The following ADAM12 variants were observed in gnomAD, a reference collection of about 807,000 sequenced individuals.
The protein encoded by ADAM12 is disintegrin and metalloproteinase domain-containing protein 12.
Under a neutral mutation model 106.4 loss-of-function variants are expected in ADAM12, and 70 were observed. That is an observed-to-expected ratio of 0.66 (90% CI 0.54 to 0.80). The LOEUF (loss-of-function observed/expected upper bound fraction) is 0.80, where lower values mean the gene tolerates loss of function less well. Among genes scored for constraint, ADAM12 ranks in the 30% least tolerant of loss-of-function variants. ADAM12 has a pLI of 0.00. For missense variants in ADAM12, 1,010 were observed against 1,171.9 expected (o/e 0.86, Z 2.02); for synonymous variants, 420 against 433.5 (o/e 0.97, Z 0.39).
rs61278142 is a variant in ADAM12 at position 126,051,536 on chromosome 10, C to CCCATCCATCCAT, written c.1610-1879_1610-1868dup. Reference sequence around the variant, plus strand: ...ATCCATCCATCCAGCCAGCCAGCCACCCATCCATCCATCCATCCATCCATC... The same window carrying CCCATCCATCCAT: ...ATCCATCCATCCAGCCAGCCAGCCACCCATCCATCCATCCATCCATCCATCCATCCATCCATC... On this transcript the variant is annotated intron_variant, in intron 14 of 22. Coordinates refer to ENST00000448723, the MANE Select transcript of ADAM12 (RefSeq NM_001288973.2). Among the ~76,000 whole-genome samples the CCCATCCATCCAT allele has an allele frequency of 3.2e-3, 386 of 118,976 alleles. 2 individuals are homozygous for CCCATCCATCCAT. The highest frequency in any genetic ancestry group is 4.1e-3 in the Non-Finnish European group (232 of 56,392). 78.1% of individuals were successfully genotyped at this position (118,976 alleles called of 152,430 possible).
intron 21 of ADAM12, among the ~76,000 whole-genome samples, chr10:126,030,683 C>T (rs367865878): frequency 5.9e-5 from 9 of 152,234 alleles, no homozygotes; most frequent in African/African-American, 1.9e-4. Flanking sequence ...ATCATGCTTC[C>T]GTGGATAACT....
chr10:126,374,505 C>T (rs903424002), intron 1 of ADAM12, among the ~76,000 whole-genome samples: 2 of 152,006 alleles, frequency 1.3e-5, no homozygotes, highest in African/African-American at 4.8e-5. Context: ...TTAAGAAGAT[C>T]AGGCAAGTTT....
At chr10:126,244,314 C>T (rs1044022397) in intron 3 of ADAM12, among the ~76,000 whole-genome samples, 4 of 152,132 alleles carry the variant, frequency 2.6e-5, no homozygotes, top group South Asian at 4.2e-4. Context: ...TGCTTGGGTC[C>T]GTGACCACAC....
At chr10:126,193,668 G>A (rs1312429681) in intron 3 of ADAM12, among the ~76,000 whole-genome samples, 2 of 152,170 alleles carry the variant, frequency 1.3e-5, no homozygotes, top group African/African-American at 2.4e-5. Context: ...AAGCTGAAGC[G>A]AGTGGATCAC....
At chr10:126,088,724 C>CAAAAAAAAA (rs55755010) in intron 11 of ADAM12, among the ~76,000 whole-genome samples, 2 of 148,750 alleles carry the variant, frequency 1.3e-5, no homozygotes, top group African/African-American at 5.0e-5. Context: ...AAAACAAAAA[C>CAAAAAAAAA]AAAAAGAGAG....
intron 8 of ADAM12, among the ~76,000 whole-genome samples, chr10:126,105,379 G>A (rs1384082914): frequency 1.3e-5 from 2 of 152,102 alleles, no homozygotes; most frequent in Admixed American, 6.5e-5. Context: ...TTTTGCTCCC[G>A]AGGTCTAAGA....
chr10:126,180,905 T>C (rs1957300825), intron 3 of ADAM12, among the ~76,000 whole-genome samples: 1 of 152,184 alleles, frequency 6.6e-6, no homozygotes, highest in South Asian at 2.1e-4. Context: ...ACACACATTC[T>C]AGAGGAGGAA....
chr10:126,021,894 A>G (rs915001600), intron 21 of ADAM12, among the ~76,000 whole-genome samples: 1 of 152,234 alleles, frequency 6.6e-6, no homozygotes, highest in Non-Finnish European at 1.5e-5. Context: ...CAAACTTTGG[A>G]TAATTAACTA....
At chr10:126,097,446 G>A (rs960649529) in intron 10 of ADAM12, among the ~76,000 whole-genome samples, 3 of 152,198 alleles carry the variant, frequency 2.0e-5, no homozygotes, top group Non-Finnish European at 4.4e-5. Context: ...GGGAAATGTT[G>A]GTTCCGTATA....
chr10:126,086,704 T>TAA lies in ADAM12; in HGVS notation c.1145+7280_1145+7281insTT, dbSNP rs1554966991. ...AAATATATATATATATATATATATATATAAAATAAAATAGGTATAGTCATG... is the reference window on the plus strand; with the variant it reads ...AAATATATATATATATATATATATATAAATAAAATAAAATAGGTATAGTCATG... On this transcript the variant is annotated intron_variant, in intron 11 of 22. Coordinates refer to ENST00000448723, the MANE Select transcript of ADAM12 (RefSeq NM_001288973.2). Among the ~76,000 whole-genome samples, 67 of 64,186 alleles carry TAA rather than the reference T, an allele frequency of 1.0e-3. 2 individuals carry two copies. Among genetic ancestry groups the TAA allele is most frequent in the Non-Finnish European group, 1.8e-3 (60 of 33,964 alleles). The allele number at this position is 64,186 out of a possible 152,430, so 42.1% of individuals were successfully genotyped here.
At chr10:126,234,151 G>C in intron 3 of ADAM12, among the ~76,000 whole-genome samples, 1 of 152,272 alleles carries the variant, frequency 6.6e-6, no homozygotes, top group East Asian at 1.9e-4. Context: ...CACCAGGGAG[G>C]AGTTCGAGCA....
intron 3 of ADAM12, among the ~76,000 whole-genome samples, chr10:126,225,874 G>T (rs781248139): frequency 1.3e-5 from 2 of 152,166 alleles, no homozygotes; most frequent in Non-Finnish European, 2.9e-5. Flanking sequence ...CAGGATGTAA[G>T]AGCCCAGAGC....
At chr10:126,360,708 C>T (rs1384754436) in intron 1 of ADAM12, among the ~76,000 whole-genome samples, 1 of 152,224 alleles carries the variant, frequency 6.6e-6, no homozygotes, top group Admixed American at 6.5e-5. Flanking sequence ...TTCCTGTCTT[C>T]TTCTGAGCCC....
At chr10:126,312,308 G>A (rs568171662) in intron 2 of ADAM12, among the ~76,000 whole-genome samples, 4 of 152,276 alleles carry the variant, frequency 2.6e-5, no homozygotes, top group African/African-American at 9.6e-5. Context: ...ACCCGACAGC[G>A]GGGCCTTCCA....
intron 11 of ADAM12, chr10:126,090,877 C>T (rs1955451461): frequency 6.6e-6 from 1 of 152,196 alleles, no homozygotes; most frequent in Admixed American, 6.5e-5. Context: ...CTCCTTTAAG[C>T]CATCTACAAT....
intron 11 of ADAM12, among the ~76,000 whole-genome samples, chr10:126,084,245 A>G (rs1294439455): frequency 6.6e-6 from 1 of 152,184 alleles, no homozygotes; most frequent in African/African-American, 2.4e-5. Flanking sequence ...GTTACCAGAA[A>G]GTGGACTTTT....
chr10:126,084,871 C>T (rs777034274), intron 11 of ADAM12, among the ~76,000 whole-genome samples: 1 of 152,208 alleles, frequency 6.6e-6, no homozygotes, highest in African/African-American at 2.4e-5. Flanking sequence ...ATGACCCTGA[C>T]CACCTGTGGG....
Position 126,214,643 on chromosome 10 carries a change from T to G in ADAM12, c.261-59338A>C, listed in dbSNP as rs568954311. Among the ~76,000 whole-genome samples, 11 of 152,370 alleles carry G rather than the reference T, an allele frequency of 7.2e-5. No individual in the cohort carries two copies. In the East Asian group the frequency reaches 2.1e-3, roughly 29 times the overall value. ...TACCCTTTTGCAGTGATTGAGTTTC[T>G]GTGTGCATTTGTTTCATGGGAAAAA... On this transcript the variant is annotated intron_variant, in intron 3 of 22. Coordinates refer to ENST00000448723, the MANE Select transcript of ADAM12 (RefSeq NM_001288973.2).
At chr10:126,262,153 G>A (rs1047446818) in intron 3 of ADAM12, among the ~76,000 whole-genome samples, 2 of 152,070 alleles carry the variant, frequency 1.3e-5, no homozygotes, top group Non-Finnish European at 2.9e-5. Flanking sequence ...ATAATGACCT[G>A]TATTTTGTAA....
Sources: allele counts gnomAD v4.1 joint callset (sites outside exome capture counted in the v4.1 genomes callset), GRCh38; gene constraint gnomAD v4.1.1; transcripts MANE v1.5; gene names NCBI Gene and HGNC (gene_info 2026-07-23, HGNC 2026-07-21).